Variants in EXO1 observed in about 807,000 individuals in gnomAD.
EXO1 encodes the protein exonuclease 1.
Under a neutral mutation model 84.5 loss-of-function variants are expected in EXO1, and 69 were observed. That is an observed-to-expected ratio of 0.82 (90% CI 0.67 to 1.00). The LOEUF is 1.00. EXO1 is among the 50% of genes least tolerant of loss of function. EXO1 has a pLI of 0.00. For synonymous variants in EXO1, 373 were observed against 366.1 expected (o/e 1.02, Z -0.21); for missense variants, 1,045 against 1,000.7 (o/e 1.04, Z -0.60).
At chr1:241,885,691 T>A (rs900336758) in intron 15 of EXO1, 184 bp downstream of exon 15, 36 of 603,172 alleles carry the variant, frequency 6.0e-5, no homozygotes, top group Non-Finnish European at 8.9e-5. Flanking sequence ...TACCTTCTTT[T>A]CATAAAAAGA....
intron 14 of EXO1, among the ~76,000 whole-genome samples, chr1:241,884,674 T>TGTGTGCACGTGCAC (rs67560872): frequency 2.0e-5 from 3 of 149,698 alleles, no homozygotes; most frequent in East Asian, 4.0e-4. Flanking sequence ...TGTGTGTGTG[T>TGTGTGCACGTGCAC]GTGCACGTGC....
At chr1:241,854,459 GT>G (rs1453203856) in intron 6 of EXO1, 3 of 152,214 alleles carry the variant, frequency 2.0e-5, no homozygotes, top group African/African-American at 7.2e-5. Flanking sequence ...GATGGTAAAG[GT>G]GAAGTCAGCT....
Position 241,867,028 on chromosome 1 carries a change from T to C in EXO1, c.1240T>C (p.Ser414Pro). 1.2e-6 allele frequency: 2 copies of C among 1,613,722 alleles called. No individual in the cohort carries two copies. Among genetic ancestry groups the C allele is most frequent in the South Asian group, 2.2e-5 (2 of 91,066 alleles). ...STKGLNLPRK[S>P]SIVKRPRSAE... ...TAAAGGGTTAAATCTCCCAAGGAAA[T>C]CATCCATTGTGAAAAGACCAAGAAG... Residue 414 changes from serine to proline, a missense_variant, in exon 11 of 16, where the codon TCA becomes CCA. Coordinates refer to ENST00000366548, the MANE Select transcript of EXO1 (RefSeq NM_130398.4).
chr1:241,858,508 A>G lies in EXO1; in HGVS notation c.546A>G (p.Val182=), dbSNP rs147677398. Reference sequence around the variant, plus strand: ...AACAATTTCCCTTCCTTTTGAAGGTAATTTTAAAGATGGACCAGTTTGGAA... The same window carrying G: ...AACAATTTCCCTTCCTTTTGAAGGTGATTTTAAAGATGGACCAGTTTGGAA... The part of the protein sequence containing the change: ...SDLLAFGCKK[V]ILKMDQFGNG... Residue 182 remains valine, a splice_region_variant and synonymous_variant, in exon 8 of 16, where the codon GTA becomes GTG. Transcript: ENST00000366548. 277 of 1,611,084 alleles carry G rather than the reference A, an allele frequency of 1.7e-4. No homozygotes were observed. The African/African-American group carries it at 2.5e-3, about 14-fold the overall frequency.
Position 241,851,925 on chromosome 1 carries a change from T to A in EXO1, c.162-367T>A, listed in dbSNP as rs937971169. Among the ~76,000 whole-genome samples, 38 of 152,340 alleles carry A rather than the reference T, an allele frequency of 2.5e-4. 1 individual carries two copies. The highest frequency in any genetic ancestry group is 8.7e-4 in the African/African-American group (36 of 41,562). On this transcript the variant is annotated intron_variant, in intron 4 of 15. Coordinates refer to ENST00000366548, the MANE Select transcript of EXO1 (RefSeq NM_130398.4). Reference sequence around the variant, plus strand: ...TGTCGTTGGAAGAATCCAGTGTTTATTGTACTATTCTTTCAACTTTTCAAT... The same window carrying A: ...TGTCGTTGGAAGAATCCAGTGTTTAATGTACTATTCTTTCAACTTTTCAAT...
chr1:241,865,657 A>T (rs900091825), intron 10 of EXO1, among the ~76,000 whole-genome samples: 8 of 46,334 alleles, frequency 1.7e-4, no homozygotes, highest in Non-Finnish European at 3.5e-4. Flanking sequence ...TTCCTGTCAG[A>T]ATTTTGTCCT....
chr1:241,874,467 GT>G (rs2148491055), intron 12 of EXO1, among the ~76,000 whole-genome samples: 1 of 152,316 alleles, frequency 6.6e-6, no homozygotes, highest in Non-Finnish European at 1.5e-5. Context: ...TTTGATCTCT[GT>G]TTTAGATCAA....
chr1:241,859,840 C>A (rs1661273984), intron 8 of EXO1, among the ~76,000 whole-genome samples: 1 of 152,222 alleles, frequency 6.6e-6, no homozygotes. Context: ...TGGATATTCT[C>A]TAAACCCTTA....
At chr1:241,888,411 TGTC>T (rs1315306004) in intron 15 of EXO1, among the ~76,000 whole-genome samples, 3 of 18,818 alleles carry the variant, frequency 1.6e-4, no homozygotes, top group African/African-American at 2.6e-4. Flanking sequence ...GTGATGCCAC[TGTC>T]TTGATTCACA....
At chr1:241,867,817 T>C (rs1333230221) in intron 11 of EXO1, among the ~76,000 whole-genome samples, 2 of 152,234 alleles carry the variant, frequency 1.3e-5, no homozygotes, top group African/African-American at 4.8e-5. Context: ...TCTTGATTAC[T>C]GTGGCTTTAT....
chr1:241,856,074 C>T (rs1184703699), intron 6 of EXO1, among the ~76,000 whole-genome samples: 1 of 152,198 alleles, frequency 6.6e-6, no homozygotes, highest in Non-Finnish European at 1.5e-5. Context: ...AAGTGGGAGC[C>T]CAGGCAGAGG....
chr1:241,849,589 T>A (rs1660538247), intron 3 of EXO1, among the ~76,000 whole-genome samples: 1 of 152,244 alleles, frequency 6.6e-6, no homozygotes, highest in Non-Finnish European at 1.5e-5. Flanking sequence ...GAATAATGCG[T>A]TCTAATAGCA....
intron 10 of EXO1, among the ~76,000 whole-genome samples, chr1:241,864,586 C>T (rs1661599983): frequency 6.6e-6 from 1 of 152,340 alleles, no homozygotes; most frequent in South Asian, 2.1e-4. Flanking sequence ...AGTCATTCCC[C>T]CACCAGGGGC....
intron 11 of EXO1, 117 bp downstream of exon 11, chr1:241,867,172 T>C (rs1661796422): frequency 2.6e-6 from 2 of 784,306 alleles, no homozygotes; most frequent in African/African-American, 1.7e-5. Context: ...TTTATAGTTG[T>C]ATTAGTCCAT....
intron 6 of EXO1, among the ~76,000 whole-genome samples, chr1:241,854,034 CTTCT>C (rs1660814619): frequency 6.6e-6 from 1 of 152,222 alleles, no homozygotes; most frequent in African/African-American, 2.4e-5. Context: ...CTTGCAGCAG[CTTCT>C]TTCCTTATTC....
intron 6 of EXO1, among the ~76,000 whole-genome samples, chr1:241,854,268 G>C (rs1206273409): frequency 6.6e-6 from 1 of 152,186 alleles, no homozygotes; most frequent in Non-Finnish European, 1.5e-5. Flanking sequence ...CTCCCAAGTA[G>C]CTGGGATTAC....
At chr1:241,863,799 A>G (rs560929820) in intron 10 of EXO1, among the ~76,000 whole-genome samples, 1 of 152,248 alleles carries the variant, frequency 6.6e-6, no homozygotes, top group South Asian at 2.1e-4. Flanking sequence ...AAAATTAAAT[A>G]CAATTGCTAT....
intron 15 of EXO1, among the ~76,000 whole-genome samples, chr1:241,886,987 C>T (rs1031332248): frequency 2.6e-5 from 4 of 152,106 alleles, no homozygotes; most frequent in African/African-American, 9.7e-5. Context: ...AGGAAATAGA[C>T]ATATTTGTAG....
Position 241,863,675 on chromosome 1 carries a change from C to T in EXO1, c.1041+2173C>T, listed in dbSNP as rs182445442. On this transcript the variant is annotated intron_variant, in intron 10 of 15. Coordinates refer to ENST00000366548, the MANE Select transcript of EXO1 (RefSeq NM_130398.4). ...AATCTATAACGACCCTAAAAATGAA[C>T]TTTATCAGCTTCAGTGATGTAAACC... Among the ~76,000 whole-genome samples the T allele has an allele frequency of 7.9e-4, 121 of 152,320 alleles. 1 individual carries two copies. Among genetic ancestry groups the T allele is most frequent in the Middle Eastern group, 3.4e-3 (1 of 294 alleles).
Sources: allele counts gnomAD v4.1 joint callset (sites outside exome capture counted in the v4.1 genomes callset), GRCh38; gene constraint gnomAD v4.1.1; transcripts MANE v1.5; gene names NCBI Gene and HGNC (gene_info 2026-07-23, HGNC 2026-07-21).